Variants in TPM3 observed in about 807,000 individuals in gnomAD.
TPM3 encodes the protein tropomyosin alpha-3 chain.
TPM3 carries 16 observed loss-of-function variants against 43.1 expected under a neutral mutation model. The observed-to-expected ratio is 0.37, with a 90% CI of 0.25 to 0.56. The LOEUF (loss-of-function observed/expected upper bound fraction) is 0.56, where lower values mean the gene tolerates loss of function less well. TPM3 is among the 20% of genes least tolerant of loss of function. The probability of loss-of-function intolerance (pLI) is 0.77; values close to 1 mark genes in which losing one functional copy is unlikely to be tolerated. For synonymous variants in TPM3, 101 were observed against 116.9 expected, an observed-to-expected ratio of 0.86 and a Z score of 0.88; for missense variants, 176 against 337.2, an observed-to-expected ratio of 0.52 and a Z score of 3.74.
At chr1:154,159,118 G>C (rs904134770), downstream of TPM3, 8 of 767,706 alleles carry the variant, frequency 1.0e-5, no homozygotes, top group Admixed American at 1.4e-4. Context: ...AAGAGAAAAA[G>C]GGAAAGTTAG....
At chr1:154,178,454 TG>T (rs1662587651) in intron 2 of TPM3, among the ~76,000 whole-genome samples, 1 of 152,192 alleles carries the variant, frequency 6.6e-6, no homozygotes. Flanking sequence ...TGGTAGGGAA[TG>T]GGACCTTGCC....
rs959736514 is a variant in TPM3 at position 154,166,051 on chromosome 1, T to C, written c.*1886A>G. On this transcript the variant is annotated 3_prime_UTR_variant, in exon 10 of 10. Coordinates refer to ENST00000651641, the MANE Select transcript of TPM3 (RefSeq NM_152263.4). ...ATCTTTATTTCTGTCTCCATCTTAATATCCTATACCTAGAAGATACCAGGA... is the reference window on the plus strand; with the variant it reads ...ATCTTTATTTCTGTCTCCATCTTAACATCCTATACCTAGAAGATACCAGGA... 6.6e-6 allele frequency among the ~76,000 whole-genome samples: 1 copy of C among 152,150 alleles called. No individual in the cohort carries two copies. The highest frequency in any genetic ancestry group is 1.5e-5 in the Non-Finnish European group (1 of 68,032).
rs1366286034 is a variant in TPM3, at chr1:154,191,393, G to A, written c.118-82C>T. ...GGACCCTGGGCTCTTGGAGCCCTGAGTGTAACCTCCATGTTACCATCCCTA... is the reference window on the plus strand; with the variant it reads ...GGACCCTGGGCTCTTGGAGCCCTGAATGTAACCTCCATGTTACCATCCCTA... On this transcript the variant is annotated intron_variant, in intron 1 of 9. Coordinates refer to ENST00000651641, the MANE Select transcript of TPM3 (RefSeq NM_152263.4). 8 of 1,601,600 alleles carry A rather than the reference G, an allele frequency of 5.0e-6. No homozygotes were observed. In the Admixed American group the frequency reaches 6.7e-5, roughly 13 times the overall value.
intron 1 of TPM3, among the ~76,000 whole-genome samples, 159 bp from the exon 2 acceptor site, chr1:154,191,470 T>C (rs916812280): frequency 6.6e-6 from 1 of 152,200 alleles, no homozygotes; most frequent in East Asian, 1.9e-4. Flanking sequence ...TCAGGAGTTA[T>C]GCCGTAGCTT....
chr1:154,188,621 G>A (rs1413580514), intron 2 of TPM3, among the ~76,000 whole-genome samples: 1 of 140,742 alleles, frequency 7.1e-6, no homozygotes, highest in East Asian at 2.1e-4. Flanking sequence ...CTTGCAGTGA[G>A]CCAAGATCGT....
downstream of TPM3, chr1:154,157,295 T>C: frequency 2.3e-6 from 1 of 437,250 alleles, no homozygotes; most frequent in South Asian, 2.2e-5. Context: ...TTCAGGACTG[T>C]GGAATTATTT....
At chr1:154,181,648 G>A (rs1662956325) in intron 2 of TPM3, among the ~76,000 whole-genome samples, 3 of 152,198 alleles carry the variant, frequency 2.0e-5, no homozygotes, top group African/African-American at 2.4e-5. Flanking sequence ...GGCTGGGCAC[G>A]GTGGATCACA....
In TPM3 at chr1:154,184,619, TACAG is replaced by T. The variant is rs2148286498; in HGVS notation, c.243+6563_243+6566del. 2.0e-5 allele frequency among the ~76,000 whole-genome samples: 3 copies of T among 152,282 alleles called. 1 individual carries two copies. In the South Asian group the frequency reaches 6.2e-4, roughly 32 times the overall value. On this transcript the variant is annotated intron_variant, in intron 2 of 9. Coordinates refer to ENST00000651641, the MANE Select transcript of TPM3 (RefSeq NM_152263.4). ...ATTTTATCAGGAAGAAATCCTCTAT[TACAG>T]ACCACTGTCAGCCGGGCGGGGTGAC...
chr1:154,169,785 C>G, intron 8 of TPM3: 1 of 288,400 alleles, frequency 3.5e-6, no homozygotes, highest in South Asian at 3.7e-5. Flanking sequence ...AAATGTGAAC[C>G]TATTAGTGGC....
intron 2 of TPM3, chr1:154,183,335 A>T: frequency 2.1e-6 from 3 of 1,451,150 alleles, no homozygotes; most frequent in African/African-American, 1.4e-5. Flanking sequence ...GGATCCTCCC[A>T]GTCGCCCTGG....
At chr1:154,188,084 C>A (rs921706834) in intron 2 of TPM3, among the ~76,000 whole-genome samples, 30 of 151,470 alleles carry the variant, frequency 2.0e-4, no homozygotes, top group Non-Finnish European at 1.2e-4. Context: ...GAGACAGGGT[C>A]TTGCTCTGTC....
intron 2 of TPM3, among the ~76,000 whole-genome samples, chr1:154,185,633 C>A (rs1010648462): frequency 6.6e-6 from 1 of 150,752 alleles, no homozygotes; most frequent in Non-Finnish European, 1.5e-5. Flanking sequence ...TTGCTTGAAC[C>A]CAGAAGGCAG....
intron 5 of TPM3, 72 bp from the exon 6 acceptor site, chr1:154,171,560 A>T: frequency 1.3e-6 from 2 of 1,509,762 alleles, no homozygotes; most frequent in Non-Finnish European, 1.8e-6. Context: ...AGAGAGACAC[A>T]TAGACGTGAA....
intron 2 of TPM3, chr1:154,187,219 AG>A: frequency 3.9e-6 from 3 of 775,838 alleles, no homozygotes; most frequent in Non-Finnish European, 4.7e-6. Context: ...CAGAGAGATA[AG>A]AAAGCCAGTA....
At chr1:154,157,483 G>T, downstream of TPM3, 3 of 742,668 alleles carry the variant, frequency 4.0e-6, no homozygotes, top group Non-Finnish European at 7.4e-6. Flanking sequence ...GAGACAGTTT[G>T]GCGAAAAAGA....
chr1:154,168,602 A>G (rs1289885155), intron 9 of TPM3, among the ~76,000 whole-genome samples: 1 of 151,992 alleles, frequency 6.6e-6, no homozygotes, highest in Non-Finnish European at 1.5e-5. Flanking sequence ...GCTCACTGCA[A>G]CCTCCATCTC....
In TPM3 at chr1:154,166,370, C is replaced by T; in HGVS notation, c.*1567G>A. The T allele has an allele frequency of 3.4e-6, 1 of 291,492 alleles. No homozygotes were observed. Among genetic ancestry groups the T allele is most frequent in the Non-Finnish European group, 5.8e-6 (1 of 173,350 alleles). 18.1% of individuals were successfully genotyped at this position (291,492 alleles called of 1,614,324 possible). On this transcript the variant is annotated 3_prime_UTR_variant, in exon 10 of 10. Coordinates refer to ENST00000651641, the MANE Select transcript of TPM3 (RefSeq NM_152263.4). ...ATTTCCGACCTGGGCCAGTTCACCCCTTCTTAGGCAACCTTGTTGTTCTCC... is the reference window on the plus strand; with the variant it reads ...ATTTCCGACCTGGGCCAGTTCACCCTTTCTTAGGCAACCTTGTTGTTCTCC...
rs754704140 is a variant in TPM3, at chr1:154,192,001, C to A, written c.18G>T (p.Lys6Asn). 8 of 1,613,636 alleles carry A rather than the reference C, an allele frequency of 5.0e-6. No individual in the cohort carries two copies. The highest frequency in any genetic ancestry group is 1.7e-5 in the Admixed American group (1 of 59,994). ...CTAACTTCAGCATCTGCATCTTTTT[C>A]TTGATGGCCTCCATCATGAGCAGTG... MMEAI[K>N]KKMQMLKLDK... Residue 6 changes from lysine to asparagine, a missense_variant, in exon 1 of 10, where the codon AAG (lysine) becomes AAT (asparagine). By Grantham distance (94) the Lys-to-Asn change is moderately conservative. This residue lies in a region of TPM3 where 82 missense variants were observed against 148.8 expected (regional missense o/e 0.55). Coordinates refer to ENST00000651641, the MANE Select transcript of TPM3 (RefSeq NM_152263.4).
At chr1:154,171,367 T>TG (rs763606022) in intron 6 of TPM3, 46 bp downstream of exon 6, 84 of 1,604,422 alleles carry the variant, frequency 5.2e-5, no homozygotes, top group Non-Finnish European at 6.7e-5. Flanking sequence ...AGGGCAGGGC[T>TG]GGGCCCAGGC....
Sources: allele counts gnomAD v4.1 joint callset (sites outside exome capture counted in the v4.1 genomes callset), GRCh38; gene constraint gnomAD v4.1.1; regional missense constraint gnomAD v4.1.1; transcripts MANE v1.5; gene names NCBI Gene and HGNC (gene_info 2026-07-23, HGNC 2026-07-21).